The following CDH13 variants were observed in gnomAD, a reference collection of about 807,000 sequenced individuals.
CDH13 encodes the protein cadherin-13.
A neutral mutation model predicts 63.8 loss-of-function variants in CDH13; 24 were observed. The ratio of observed to expected loss-of-function variants is 0.38; its 90% CI spans 0.27 to 0.53. The LOEUF (loss-of-function observed/expected upper bound fraction) is 0.53. CDH13 is among the 20% of genes least tolerant of loss of function. The pLI, the probability that CDH13 is intolerant of heterozygous loss-of-function variation, is 0.85. For missense variants in CDH13, 1,049 were observed against 903.1 expected (o/e 1.16, Z -2.07); for synonymous variants, 503 against 355.3 (o/e 1.42, Z -4.67).
intron 6 of CDH13, among the ~76,000 whole-genome samples, chr16:83,427,631 A>G (rs116224946): frequency 0.011 from 1,710 of 152,218 alleles, 33 homozygotes; most frequent in African/African-American, 0.04. Flanking sequence ...TACCAGCACC[A>G]CTAGATAACA....
intron 1 of CDH13, among the ~76,000 whole-genome samples, chr16:82,715,776 G>GT (rs995347519): frequency 9.9e-5 from 15 of 152,224 alleles, no homozygotes; most frequent in Non-Finnish European, 2.1e-4. Context: ...CGATGATGGG[G>GT]TTTTTTCTTT....
intron 2 of CDH13, among the ~76,000 whole-genome samples, chr16:82,866,576 A>C (rs567947676): frequency 4.0e-5 from 6 of 151,702 alleles, no homozygotes; most frequent in African/African-American, 7.2e-5. Flanking sequence ...TTTTAGTACA[A>C]AGAGGGTTTA....
At chr16:83,470,188 C>A (rs182718439) in intron 6 of CDH13, among the ~76,000 whole-genome samples, 1 of 152,248 alleles carries the variant, frequency 6.6e-6, no homozygotes, top group Admixed American at 6.5e-5. Flanking sequence ...CTCCAGAACC[C>A]TCTGCTGCTG....
At chr16:83,424,471 C>A (rs1350005563) in intron 6 of CDH13, among the ~76,000 whole-genome samples, 1 of 152,174 alleles carries the variant, frequency 6.6e-6, no homozygotes, top group African/African-American at 2.4e-5. Flanking sequence ...TTGCCATGCC[C>A]TTCATCCCCC....
intron 3 of CDH13, among the ~76,000 whole-genome samples, chr16:83,073,494 G>A (rs530328596): frequency 6.6e-6 from 1 of 151,920 alleles, no homozygotes; most frequent in South Asian, 2.1e-4. Context: ...ACAAAAGTTA[G>A]GCAGGCATTC....
chr16:82,703,031 A>G lies in CDH13; in HGVS notation c.45+75894A>G, dbSNP rs536895944. On this transcript the variant is annotated intron_variant, in intron 1 of 13. Transcript: ENST00000567109. ...CACACAGCCAGTGAGTGCTCTACAA[A>G]CACTTACAGCATCAGTTCATGAATG... is the stretch of plus-strand genomic sequence containing the variant. Among the ~76,000 whole-genome samples, 13 of 152,178 alleles carry G rather than the reference A, an allele frequency of 8.5e-5. No homozygotes were observed. In the South Asian group the frequency reaches 2.5e-3, roughly 29 times the overall value.
In CDH13 at chr16:83,203,827, A is replaced by C. The variant is rs75514045; in HGVS notation, c.484-13518A>C. ...GTGAAGTTTGGCAAGTTAGCAAGAG[A>C]GTAAGCATGTATAGTTCAACAGCAT... On this transcript the variant is annotated intron_variant, in intron 4 of 13. Transcript: ENST00000567109. 6.9e-3 allele frequency among the ~76,000 whole-genome samples: 1,050 copies of C among 152,252 alleles called. 10 individuals carry two copies. The highest frequency in any genetic ancestry group is 0.024 in the African/African-American group (1,010 of 41,532).
At chr16:82,781,955 C>T (rs192352510) in intron 1 of CDH13, among the ~76,000 whole-genome samples, 142 of 152,226 alleles carry the variant, frequency 9.3e-4, no homozygotes, top group African/African-American at 3.3e-3. Flanking sequence ...CTGAAGGATT[C>T]AAAGAAGGAG....
intron 6 of CDH13, among the ~76,000 whole-genome samples, chr16:83,400,174 G>A (rs1401153188): frequency 1.3e-5 from 2 of 151,824 alleles, no homozygotes; most frequent in African/African-American, 2.4e-5. Context: ...AGAAAACTTA[G>A]AGGGAGTCTT....
At chr16:83,321,547 G>C (rs868578326) in intron 5 of CDH13, among the ~76,000 whole-genome samples, 3 of 12,232 alleles carry the variant, frequency 2.5e-4, no homozygotes, top group Non-Finnish European at 4.9e-4. Context: ...TTTTTTTTTT[G>C]AGACGGAGTC....
chr16:83,687,295 A>C (rs1904400620), intron 10 of CDH13, among the ~76,000 whole-genome samples: 1 of 152,210 alleles, frequency 6.6e-6, no homozygotes, highest in Non-Finnish European at 1.5e-5. Flanking sequence ...TAATTTATAA[A>C]GAAAATGATT....
chr16:83,045,804 C>A (rs192108191), intron 3 of CDH13, among the ~76,000 whole-genome samples: 2 of 152,264 alleles, frequency 1.3e-5, no homozygotes, highest in African/African-American at 2.4e-5. Context: ...GAAGAGGTAC[C>A]ATTTATTCAG....
At position 83,163,512 on chromosome 16, in the gene CDH13, A is replaced by G. The variant is rs941283938; in HGVS notation, c.483+38011A>G. Among the ~76,000 whole-genome samples the G allele has an allele frequency of 3.9e-5, 6 of 152,240 alleles. No individual in the cohort carries two copies. In the East Asian group the frequency reaches 7.7e-4, roughly 20 times the overall value. On this transcript the variant is annotated intron_variant, in intron 4 of 13. Coordinates refer to ENST00000567109, the MANE Select transcript of CDH13 (RefSeq NM_001257.5). ...TTTTGTTGTCTTTGCCATCAGCATT[A>G]TAGTAGAGCCATTGGCACTCACCCA...
chr16:82,691,757 G>T (rs1392330502), intron 1 of CDH13, among the ~76,000 whole-genome samples: 1 of 152,100 alleles, frequency 6.6e-6, no homozygotes, highest in Non-Finnish European at 1.5e-5. Flanking sequence ...CAGGAAAGAT[G>T]GTCTCCCCTC....
At chr16:83,053,638 T>C (rs1008446007) in intron 3 of CDH13, among the ~76,000 whole-genome samples, 12 of 152,166 alleles carry the variant, frequency 7.9e-5, no homozygotes, top group Admixed American at 4.6e-4. Flanking sequence ...TAAGAAAATA[T>C]ATCCTGTAAA....
rs980187214 is a variant in CDH13, at chr16:82,708,712, C to T, written c.45+81575C>T. On this transcript the variant is annotated intron_variant, in intron 1 of 13. Transcript: ENST00000567109. ...TGACCACTCTAAAAAGAGGGGACTC[C>T]GAGTCAGCTGTCTGCGCTTATCCAA... is the stretch of plus-strand genomic sequence containing the variant. Among the ~76,000 whole-genome samples, 9 of 152,250 alleles carry T rather than the reference C, an allele frequency of 5.9e-5. No homozygotes were observed. The East Asian group carries it at 1.4e-3, about 23-fold the overall frequency.
At chr16:83,203,515 T>C (rs1294029118) in intron 4 of CDH13, among the ~76,000 whole-genome samples, 1 of 150,826 alleles carries the variant, frequency 6.6e-6, no homozygotes, top group Non-Finnish European at 1.5e-5. Context: ...TGAAACCCCG[T>C]CTCTACTAAA....
chr16:83,526,092 A>G (rs1471935135), intron 7 of CDH13, among the ~76,000 whole-genome samples: 1 of 152,222 alleles, frequency 6.6e-6, no homozygotes, highest in Non-Finnish European at 1.5e-5. Flanking sequence ...TTGTTACAGT[A>G]GCAATATGAA....
chr16:83,113,657 T>A (rs2035168194), intron 3 of CDH13, among the ~76,000 whole-genome samples: 1 of 151,686 alleles, frequency 6.6e-6, no homozygotes, highest in South Asian at 2.1e-4. Context: ...CCAATCCTCA[T>A]AGCAAAAGAG....
Sources: allele counts gnomAD v4.1 joint callset (sites outside exome capture counted in the v4.1 genomes callset), GRCh38; gene constraint gnomAD v4.1.1; transcripts MANE v1.5; gene names NCBI Gene and HGNC (gene_info 2026-07-23, HGNC 2026-07-21).